Variants in ST18 observed in about 807,000 individuals in gnomAD.
ST18 encodes the protein suppression of tumorigenicity 18 protein.
A neutral mutation model predicts 110.0 loss-of-function variants in ST18; 50 were observed. The observed-to-expected ratio is 0.45, with a 90% CI of 0.36 to 0.58. ST18 has a LOEUF of 0.58. Ranked by LOEUF, ST18 falls within the 20% of genes least tolerant of loss-of-function variation. The probability of loss-of-function intolerance (pLI) is 0.00; values close to 1 mark genes in which losing one functional copy is unlikely to be tolerated. For synonymous variants in ST18, 461 were observed against 452.4 expected (o/e 1.02, Z -0.24); for missense variants, 1,306 against 1,280.1 (o/e 1.02, Z -0.31).
chr8:52,383,961 C>T (rs1187732041), intron 2 of ST18, among the ~76,000 whole-genome samples: 2 of 152,158 alleles, frequency 1.3e-5, no homozygotes, highest in Admixed American at 6.5e-5. Flanking sequence ...TTGCCCAGGC[C>T]GATCTCAAAC....
At chr8:52,332,737 GC>G (rs1283593849) in intron 2 of ST18, among the ~76,000 whole-genome samples, 2 of 151,942 alleles carry the variant, frequency 1.3e-5, no homozygotes, top group African/African-American at 4.8e-5. Context: ...TGTAATCCCA[GC>G]TACTCAGGAG....
chr8:52,281,767 T>C (rs2139157882), intron 2 of ST18, among the ~76,000 whole-genome samples: 1 of 152,308 alleles, frequency 6.6e-6, no homozygotes, highest in East Asian at 1.9e-4. Context: ...TTTGGAGACC[T>C]TTATTCTAAG....
At chr8:52,373,868 A>T (rs1338091597) in intron 2 of ST18, among the ~76,000 whole-genome samples, 1 of 152,106 alleles carries the variant, frequency 6.6e-6, no homozygotes, top group African/African-American at 2.4e-5. Context: ...CACCATGCTG[A>T]CCCGGCTCCT....
rs2040768508 is a variant in ST18, at chr8:52,112,282, T to C, written c.*916A>G. ...ATCTACACCAATATTGTCACTTGTA[T>C]ATTGTACCAACATATGGCAGGAAAG... On this transcript the variant is annotated 3_prime_UTR_variant, in exon 26 of 26. Coordinates refer to ENST00000689386, the MANE Select transcript of ST18 (RefSeq NM_001352837.2). 1 of 152,642 alleles carries C rather than the reference T, an allele frequency of 6.6e-6. No homozygotes were observed. The highest frequency in any genetic ancestry group is 2.4e-5 in the African/African-American group (1 of 41,460). 9.5% of individuals were successfully genotyped at this position (152,642 alleles called of 1,614,324 possible).
Position 52,313,876 on chromosome 8 carries a change from A to T in ST18, c.-464-83799T>A, listed in dbSNP as rs116106851. On this transcript the variant is annotated intron_variant, in intron 2 of 25. Coordinates refer to ENST00000689386, the MANE Select transcript of ST18 (RefSeq NM_001352837.2). ...CTGCCCAGAGAGAGAGGCCACTGGG[A>T]TCCCAGAGGTGCTGCTCCCCAAACA... 3.9e-3 allele frequency among the ~76,000 whole-genome samples: 589 copies of T among 152,278 alleles called. 3 individuals are homozygous for T. Among genetic ancestry groups the T allele is most frequent in the African/African-American group, 0.013 (561 of 41,572 alleles).
intron 2 of ST18, among the ~76,000 whole-genome samples, chr8:52,295,719 T>TG (rs2095623873): frequency 6.6e-6 from 1 of 150,684 alleles, no homozygotes; most frequent in East Asian, 1.9e-4. Context: ...CCTTTTTTTT[T>TG]TTTTTTTTTG....
intron 8 of ST18, among the ~76,000 whole-genome samples, chr8:52,205,771 T>C (rs766526156): frequency 2.0e-5 from 3 of 152,066 alleles, no homozygotes; most frequent in Non-Finnish European, 2.9e-5. Flanking sequence ...TTTCACCATG[T>C]TGGCCAAGCT....
intron 23 of ST18, among the ~76,000 whole-genome samples, chr8:52,122,875 T>C (rs2045537978): frequency 6.6e-6 from 1 of 152,042 alleles, no homozygotes; most frequent in Non-Finnish European, 1.5e-5. Flanking sequence ...ATTTGGCTAT[T>C]TAGTTACTAA....
intron 2 of ST18, among the ~76,000 whole-genome samples, chr8:52,277,178 GC>G (rs1217521437): frequency 5.3e-5 from 8 of 152,224 alleles, no homozygotes; most frequent in African/African-American, 2.4e-5. Context: ...GGCCTCGGGA[GC>G]CGCAGGAAGC....
At chr8:52,262,479 GC>G (rs1300061823) in intron 2 of ST18, among the ~76,000 whole-genome samples, 1 of 152,196 alleles carries the variant, frequency 6.6e-6, no homozygotes, top group African/African-American at 2.4e-5. Context: ...GACCTCCAAA[GC>G]CACATGTTGA....
chr8:52,394,923 A>C (rs1840572887), intron 2 of ST18, among the ~76,000 whole-genome samples: 1 of 152,246 alleles, frequency 6.6e-6, no homozygotes, highest in South Asian at 2.1e-4. Flanking sequence ...TGAAGGGGAA[A>C]GAAACTACAG....
intron 22 of ST18, among the ~76,000 whole-genome samples, chr8:52,130,568 CAG>C (rs750887404): frequency 6.6e-6 from 1 of 152,226 alleles, no homozygotes; most frequent in Non-Finnish European, 1.5e-5. Context: ...TTCTCATATG[CAG>C]AGATCCTCCG....
intron 2 of ST18, among the ~76,000 whole-genome samples, chr8:52,231,252 A>T (rs1221995054): frequency 6.6e-6 from 1 of 152,138 alleles, no homozygotes; most frequent in African/African-American, 2.4e-5. Context: ...GTGTGCCCTT[A>T]TATATTTTCC....
chr8:52,190,697 C>CT (rs1453002830), intron 8 of ST18, among the ~76,000 whole-genome samples: 1 of 152,166 alleles, frequency 6.6e-6, no homozygotes, highest in Non-Finnish European at 1.5e-5. Flanking sequence ...AACTGCTATC[C>CT]TTTGTCAGGA....
At chr8:52,319,888 T>C (rs1803114949) in intron 2 of ST18, among the ~76,000 whole-genome samples, 1 of 152,166 alleles carries the variant, frequency 6.6e-6, no homozygotes, top group South Asian at 2.1e-4. Context: ...CCATGGCAAC[T>C]GGCCTCCCCA....
At chr8:52,288,295 A>C (rs1189633199) in intron 2 of ST18, among the ~76,000 whole-genome samples, 2 of 152,200 alleles carry the variant, frequency 1.3e-5, no homozygotes, top group African/African-American at 4.8e-5. Context: ...CAGACTCAGA[A>C]GAAGGGCATG....
At chr8:52,337,746 T>G (rs554194224) in intron 2 of ST18, among the ~76,000 whole-genome samples, 1 of 152,344 alleles carries the variant, frequency 6.6e-6, no homozygotes, top group East Asian at 1.9e-4. Context: ...TCTATCTACA[T>G]CAAAGCCCTC....
At chr8:52,273,672 T>C (rs2095147780) in intron 2 of ST18, among the ~76,000 whole-genome samples, 1 of 152,254 alleles carries the variant, frequency 6.6e-6, no homozygotes, top group Non-Finnish European at 1.5e-5. Flanking sequence ...CAAAATGGGT[T>C]CTATTAGAAC....
At chr8:52,166,374 T>G (rs1221351075) in intron 11 of ST18, among the ~76,000 whole-genome samples, 1 of 152,144 alleles carries the variant, frequency 6.6e-6, no homozygotes, top group Non-Finnish European at 1.5e-5. Context: ...GCTCACCCTC[T>G]GGGGCACTGT....
Sources: gnomAD v4.1 joint callset for allele counts (sites outside exome capture counted in the v4.1 genomes callset) on GRCh38, gnomAD v4.1.1 for gene constraint, MANE v1.5 for transcripts, NCBI Gene and HGNC (gene_info 2026-07-23, HGNC 2026-07-21) for gene names.